SPMIP2: variants seen among roughly 807,000 people sequenced by gnomAD.
SPMIP2 encodes the protein sperm microtubule inner protein 2, also known as protein SPMIP2.
At chr4:158,922,048 C>T in the SPMIP2 span, among the ~76,000 whole-genome samples, 27 of 152,036 alleles carry the variant, frequency 1.8e-4, no homozygotes, top group African/African-American at 6.3e-4. Flanking sequence ...CCACCACACC[C>T]AGTTAATTTT....
At chr4:159,068,015 T>A in the SPMIP2 span, among the ~76,000 whole-genome samples, 1 of 152,062 alleles carries the variant, frequency 6.6e-6, no homozygotes, top group Middle Eastern at 3.2e-3. Context: ...GAAACAACAG[T>A]TGCTGGAGAG....
chr4:158,964,436 T>A, the SPMIP2 span, among the ~76,000 whole-genome samples: 2 of 152,202 alleles, frequency 1.3e-5, no homozygotes, highest in Non-Finnish European at 2.9e-5. Flanking sequence ...ATCCCTGGAT[T>A]TCTGACCTAT....
the SPMIP2 span, among the ~76,000 whole-genome samples, chr4:159,071,495 A>G: frequency 1.3e-5 from 2 of 152,220 alleles, no homozygotes; most frequent in South Asian, 4.1e-4. Context: ...AGGATCAAAA[A>G]GCAACACAGC....
At chr4:159,054,641 A>T in the SPMIP2 span, among the ~76,000 whole-genome samples, 1 of 152,064 alleles carries the variant, frequency 6.6e-6, no homozygotes, top group Non-Finnish European at 1.5e-5. Flanking sequence ...AACATTCTTC[A>T]CTGGATGGTG....
At chr4:159,075,913 A>G in the SPMIP2 span, among the ~76,000 whole-genome samples, 1,517 of 151,988 alleles carry the variant, frequency 1.0e-2, 31 homozygotes, top group African/African-American at 0.035. Flanking sequence ...TTTACAGCAG[A>G]AAAAAAACCC....
chr4:158,978,607 G>A, the SPMIP2 span, among the ~76,000 whole-genome samples: 17 of 152,176 alleles, frequency 1.1e-4, no homozygotes, highest in Admixed American at 1.1e-3. Flanking sequence ...CTCCTGTACT[G>A]AGTGCATATA....
chr4:159,020,825 T>A, the SPMIP2 span, among the ~76,000 whole-genome samples: 3 of 152,046 alleles, frequency 2.0e-5, no homozygotes, highest in African/African-American at 2.4e-5. Flanking sequence ...GCAGTGGCGC[T>A]ATCTCGGCTC....
chr4:158,921,785 T>C, the SPMIP2 span, among the ~76,000 whole-genome samples: 1 of 152,162 alleles, frequency 6.6e-6, no homozygotes, highest in Non-Finnish European at 1.5e-5. Context: ...CTTATTGCTA[T>C]AGGGGTGACA....
At chr4:158,899,409 A>G in the SPMIP2 span, among the ~76,000 whole-genome samples, 1 of 152,056 alleles carries the variant, frequency 6.6e-6, no homozygotes, top group African/African-American at 2.4e-5. Flanking sequence ...TATTGTTTGG[A>G]ATAGTTTCAG....
chr4:158,989,930 T>C, the SPMIP2 span, among the ~76,000 whole-genome samples: 21 of 152,258 alleles, frequency 1.4e-4, no homozygotes, highest in Middle Eastern at 3.4e-3. Context: ...GAAACTATTA[T>C]CAGAGTGAAC....
At chr4:159,011,075 C>G in the SPMIP2 span, among the ~76,000 whole-genome samples, 1 of 152,052 alleles carries the variant, frequency 6.6e-6, no homozygotes, top group African/African-American at 2.4e-5. Context: ...CTGTTCCCCT[C>G]CCTCACTCAA....
At chr4:158,919,145 C>T in the SPMIP2 span, among the ~76,000 whole-genome samples, 9 of 152,158 alleles carry the variant, frequency 5.9e-5, no homozygotes, top group African/African-American at 1.9e-4. Flanking sequence ...TCCCCAAGTA[C>T]GTAAGTGTGT....
the SPMIP2 span, among the ~76,000 whole-genome samples, chr4:159,055,555 C>T: frequency 6.6e-6 from 1 of 151,960 alleles, no homozygotes; most frequent in Middle Eastern, 3.4e-3. Context: ...AAAAAAAATA[C>T]GAAAATTAGC....
the SPMIP2 span, among the ~76,000 whole-genome samples, chr4:158,984,757 G>C: frequency 6.6e-6 from 1 of 151,954 alleles, no homozygotes; most frequent in Non-Finnish European, 1.5e-5. Context: ...TCAAAAGCTA[G>C]CAGAAGGCAA....
At chr4:158,966,417 C>T in the SPMIP2 span, among the ~76,000 whole-genome samples, 1 of 152,182 alleles carries the variant, frequency 6.6e-6, no homozygotes, top group African/African-American at 2.4e-5. Flanking sequence ...AACAGATGTC[C>T]TGGTATTTGA....
At chr4:158,897,418 C>T in the SPMIP2 span, among the ~76,000 whole-genome samples, 1 of 152,214 alleles carries the variant, frequency 6.6e-6, no homozygotes, top group African/African-American at 2.4e-5. Context: ...AATCGCCACA[C>T]TGTTTTCCAC....
At chr4:158,919,802 C>T in the SPMIP2 span, among the ~76,000 whole-genome samples, 1 of 152,316 alleles carries the variant, frequency 6.6e-6, no homozygotes, top group Non-Finnish European at 1.5e-5. Context: ...ATTTGGCTAG[C>T]AGTAGCCCCT....
At chr4:158,930,962 A>C in the SPMIP2 span, among the ~76,000 whole-genome samples, 2 of 152,102 alleles carry the variant, frequency 1.3e-5, no homozygotes, top group Admixed American at 6.5e-5. Context: ...ACTGTTTTTC[A>C]TCAAATGTGG....
the SPMIP2 span, among the ~76,000 whole-genome samples, chr4:158,898,614 T>G: frequency 1.3e-5 from 2 of 152,178 alleles, no homozygotes; most frequent in South Asian, 2.1e-4. Flanking sequence ...TGAATAGGAG[T>G]TCACTTGTGA....
Sources: allele counts gnomAD v4.1 joint callset (sites outside exome capture counted in the v4.1 genomes callset), GRCh38; gene constraint gnomAD v4.1.1; transcripts MANE v1.5; gene names NCBI Gene and HGNC (gene_info 2026-07-23, HGNC 2026-07-21).